The following CD99L2 variants were observed in gnomAD, a reference collection of about 807,000 sequenced individuals.
The protein encoded by CD99L2 is CD99 molecule like 2, also known as CD99 antigen-like protein 2.
CD99L2 carries 24 observed loss-of-function variants against 27.3 expected under a neutral mutation model. The observed-to-expected ratio is 0.88, with a 90% CI of 0.64 to 1.24. The LOEUF is 1.24. Ranked by LOEUF, CD99L2 falls within the 50% of genes most tolerant of loss-of-function variation. The probability of loss-of-function intolerance (pLI) is 0.00; values close to 1 mark genes in which losing one functional copy is unlikely to be tolerated. For synonymous variants in CD99L2, 97 were observed against 87.9 expected (o/e 1.10, Z -0.58); for missense variants, 255 against 221.6 (o/e 1.15, Z -0.96).
chrX:150,840,247 AAAAAG>A (rs2046603639), intron 1 of CD99L2, among the ~76,000 whole-genome samples: 2 of 110,735 alleles, frequency 1.8e-5, no homozygotes, highest in African/African-American at 6.6e-5. Flanking sequence ...AAGAAAGAAA[AAAAAG>A]AAAAAAGAAA....
chrX:150,831,974 T>A (rs960820332), intron 1 of CD99L2, among the ~76,000 whole-genome samples: 3 of 111,927 alleles, frequency 2.7e-5, no homozygotes, highest in African/African-American at 9.8e-5. Flanking sequence ...ATACCTTACT[T>A]TCAACATTGA....
rs557284272 is a variant in CD99L2, at chrX:150,862,230, C to T, written c.68-30937G>A. Among the ~76,000 whole-genome samples, 4 of 112,106 alleles carry T rather than the reference C, an allele frequency of 3.6e-5. No homozygotes were observed. In the South Asian group the frequency reaches 1.5e-3, roughly 42 times the overall value. On this transcript the variant is annotated intron_variant, in intron 1 of 10. Transcript: ENST00000370377. ...GTAGGCAGAATTTCTCAAGGACATT[C>T]CCATTCTAACCCCCAGAGCCTGTGA...
intron 2 of CD99L2, among the ~76,000 whole-genome samples, chrX:150,816,814 T>C (rs919868841): frequency 3.2e-4 from 35 of 108,950 alleles, no homozygotes; most frequent in Non-Finnish European, 6.1e-4. Flanking sequence ...CCAACAATGA[T>C]AGACTGGAAT....
intron 4 of CD99L2, 58 bp downstream of exon 4, chrX:150,814,804 T>C (rs368595725): frequency 1.5e-5 from 16 of 1,045,615 alleles, no homozygotes; most frequent in Middle Eastern, 5.0e-4. Flanking sequence ...CTGTGGGATG[T>C]TGATGTTGTA....
chrX:150,841,746 T>G (rs974850595), intron 1 of CD99L2, among the ~76,000 whole-genome samples: 1 of 111,588 alleles, frequency 9.0e-6, no homozygotes, highest in African/African-American at 3.3e-5. Flanking sequence ...TGACCTTGGA[T>G]TCAACAGACT....
chrX:150,786,988 T>C (rs1430755418), intron 7 of CD99L2, among the ~76,000 whole-genome samples: 2 of 112,549 alleles, frequency 1.8e-5, no homozygotes, highest in Non-Finnish European at 3.7e-5. Context: ...TTTTTTCATA[T>C]GCTTGTTGGC....
intron 7 of CD99L2, among the ~76,000 whole-genome samples, chrX:150,787,888 G>GTATGTATATATATATA (rs2045621861): frequency 1.6e-5 from 1 of 63,861 alleles, no homozygotes; most frequent in African/African-American, 5.0e-5. Flanking sequence ...AGAACTTAAA[G>GTATGTATATATATATA]TATATATATA....
chrX:150,766,494 G>C lies in CD99L2; in HGVS notation c.*2540C>G, dbSNP rs1478576667. 5.4e-5 allele frequency: 6 copies of C among 111,338 alleles called. No homozygotes were observed. The Admixed American group carries it at 5.7e-4, about 11-fold the overall frequency. The allele number at this position is 111,338 out of a possible 1,213,427, so 9.2% of individuals were successfully genotyped here. A position where few individuals can be genotyped will look rare whatever the true frequency, so the allele number is the denominator to read the frequency against. ...GCACTGAACCCCAGCCCCTGTCCCA[G>C]AGCCTCCCCTCTGGGTCCCACCCCA... On this transcript the variant is annotated 3_prime_UTR_variant, in exon 11 of 11. Transcript: ENST00000370377.
At chrX:150,782,952 A>G (rs1219676349) in intron 7 of CD99L2, among the ~76,000 whole-genome samples, 1 of 111,143 alleles carries the variant, frequency 9.0e-6, no homozygotes, top group East Asian at 2.8e-4. Flanking sequence ...AATGGAAGAG[A>G]AATGTTTTCT....
At chrX:150,778,629 C>T (rs994070179) in intron 7 of CD99L2, among the ~76,000 whole-genome samples, 15 of 102,893 alleles carry the variant, frequency 1.5e-4, no homozygotes, top group Non-Finnish European at 2.5e-4. Flanking sequence ...CCCATTAACT[C>T]ATCATTTACA....
At chrX:150,865,360 G>A in intron 1 of CD99L2, among the ~76,000 whole-genome samples, 1 of 110,946 alleles carries the variant, frequency 9.0e-6, no homozygotes, top group Non-Finnish European at 1.9e-5. Context: ...AGCCAGGCAT[G>A]GCAGGGTGGG....
At chrX:150,787,125 G>A (rs1334089209) in intron 7 of CD99L2, among the ~76,000 whole-genome samples, 3 of 111,793 alleles carry the variant, frequency 2.7e-5, no homozygotes, top group Admixed American at 1.9e-4. Flanking sequence ...GACCTTTGTT[G>A]GATGCATAGT....
chrX:150,794,572 G>C (rs73250577), intron 6 of CD99L2, among the ~76,000 whole-genome samples: 2,575 of 112,571 alleles, frequency 0.023, 35 homozygotes, highest in Middle Eastern at 0.042. Flanking sequence ...AGTGTGGAAA[G>C]TTCACTGATA....
At chrX:150,851,245 T>TC (rs2046787312) in intron 1 of CD99L2, among the ~76,000 whole-genome samples, 1 of 112,179 alleles carries the variant, frequency 8.9e-6, no homozygotes, top group South Asian at 3.7e-4. Context: ...ATTGCTCCCA[T>TC]CTTCTTCCTC....
At chrX:150,778,459 C>T (rs2045443052) in intron 7 of CD99L2, among the ~76,000 whole-genome samples, 1 of 77,023 alleles carries the variant, frequency 1.3e-5, no homozygotes, top group African/African-American at 5.4e-5. Flanking sequence ...ACCACTCTGG[C>T]AGGGTGGGGG....
At chrX:150,826,072 C>T (rs2046362824) in intron 2 of CD99L2, among the ~76,000 whole-genome samples, 1 of 111,284 alleles carries the variant, frequency 9.0e-6, no homozygotes, top group Non-Finnish European at 1.9e-5. Flanking sequence ...GGGATTAGTG[C>T]CCTGATAAAA....
chrX:150,898,056 C>CA, intron 1 of CD99L2, among the ~76,000 whole-genome samples: 2 of 6,754 alleles, frequency 3.0e-4, no homozygotes, highest in Non-Finnish European at 1.2e-3. Context: ...CCTCGCTGAC[C>CA]CCCCCCCCCC....
At chrX:150,795,059 G>A in intron 6 of CD99L2, 147 bp downstream of exon 6, 2 of 548,859 alleles carry the variant, frequency 3.6e-6, no homozygotes, top group Non-Finnish European at 6.2e-6. Context: ...ATGATTTCAG[G>A]AGTCCCCAGA....
intron 1 of CD99L2, among the ~76,000 whole-genome samples, chrX:150,881,081 G>A (rs782522610): frequency 2.7e-5 from 3 of 111,438 alleles, no homozygotes; most frequent in East Asian, 2.8e-4. Flanking sequence ...GAGCGAGTGA[G>A]AGGGAGCTGC....
Sources: gnomAD v4.1 joint callset for allele counts (sites outside exome capture counted in the v4.1 genomes callset) on GRCh38, gnomAD v4.1.1 for gene constraint, MANE v1.5 for transcripts, NCBI Gene and HGNC (gene_info 2026-07-23, HGNC 2026-07-21) for gene names.